Variants in LRRC4C observed in about 807,000 individuals in gnomAD.
LRRC4C encodes leucine rich repeat containing 4C.
LRRC4C carries 5 observed loss-of-function variants against 33.6 expected under a neutral mutation model. That is an observed-to-expected ratio of 0.15 (90% CI 0.08 to 0.31). The LOEUF (loss-of-function observed/expected upper bound fraction) is 0.31, where lower values mean the gene tolerates loss of function less well. Ranked by LOEUF, LRRC4C falls within the 10% of genes least tolerant of loss-of-function variation. The pLI is 1.00. For synonymous variants in LRRC4C, 329 were observed against 302.0 expected, an observed-to-expected ratio of 1.09 and a Z score of -0.93; for missense variants, 560 against 796.7, an observed-to-expected ratio of 0.70 and a Z score of 3.58.
chr11:40,336,325 G>C (rs941880138), intron 3 of LRRC4C, among the ~76,000 whole-genome samples: 1 of 152,168 alleles, frequency 6.6e-6, no homozygotes, highest in Non-Finnish European at 1.5e-5. Context: ...GTGAAAGAAA[G>C]TGATGTGCAC....
intron 1 of LRRC4C, among the ~76,000 whole-genome samples, chr11:41,319,500 C>A (rs991149140): frequency 6.6e-6 from 1 of 152,084 alleles, no homozygotes; most frequent in African/African-American, 2.4e-5. Flanking sequence ...TAAATGCATT[C>A]TACATATCAT....
At chr11:40,186,951 G>A (rs1163409666) in intron 5 of LRRC4C, among the ~76,000 whole-genome samples, 2 of 152,136 alleles carry the variant, frequency 1.3e-5, no homozygotes, top group African/African-American at 4.8e-5. Flanking sequence ...TCGGTGGCTT[G>A]AGAGTGGCAG....
At chr11:41,010,623 T>C (rs1336640463) in intron 1 of LRRC4C, among the ~76,000 whole-genome samples, 1 of 152,168 alleles carries the variant, frequency 6.6e-6, no homozygotes, top group Non-Finnish European at 1.5e-5. Context: ...TACTGCTTTA[T>C]AAGGTCCTAT....
chr11:40,622,387 A>G (rs888159890), intron 3 of LRRC4C, among the ~76,000 whole-genome samples: 1 of 151,864 alleles, frequency 6.6e-6, no homozygotes, highest in African/African-American at 2.4e-5. Context: ...GAATCACAAG[A>G]TCAGACATAA....
intron 2 of LRRC4C, among the ~76,000 whole-genome samples, chr11:40,813,160 A>G (rs1488019139): frequency 6.6e-6 from 1 of 152,206 alleles, no homozygotes; most frequent in African/African-American, 2.4e-5. Context: ...TTTGGAACCC[A>G]TAGCAGAATT....
chr11:40,328,671 C>T (rs903381284), intron 3 of LRRC4C, among the ~76,000 whole-genome samples: 7 of 152,290 alleles, frequency 4.6e-5, no homozygotes, highest in East Asian at 1.9e-4. Context: ...AGTAATCTCA[C>T]AAGTACTTGA....
intron 1 of LRRC4C, among the ~76,000 whole-genome samples, chr11:40,962,847 A>C (rs1277820629): frequency 1.3e-5 from 2 of 151,746 alleles, no homozygotes; most frequent in African/African-American, 4.8e-5. Flanking sequence ...GTAAGATGGA[A>C]GCTGGGAATA....
chr11:40,720,223 G>A (rs913888688), intron 2 of LRRC4C, among the ~76,000 whole-genome samples: 4 of 152,086 alleles, frequency 2.6e-5, no homozygotes, highest in Admixed American at 2.0e-4. Context: ...ACAAAGCTCA[G>A]GCTCTCTTCA....
intron 3 of LRRC4C, among the ~76,000 whole-genome samples, chr11:40,624,383 A>G (rs909099372): frequency 3.9e-5 from 6 of 152,070 alleles, no homozygotes; most frequent in South Asian, 4.1e-4. Flanking sequence ...GAATAAAGTT[A>G]TTTTCTGTAG....
At chr11:40,666,249 A>T (rs1943804160) in intron 2 of LRRC4C, among the ~76,000 whole-genome samples, 1 of 152,186 alleles carries the variant, frequency 6.6e-6, no homozygotes, top group South Asian at 2.1e-4. Flanking sequence ...TCTACAATTT[A>T]TTCAAATAGA....
chr11:40,928,763 A>G lies in LRRC4C; in HGVS notation c.-407+4872T>C, dbSNP rs565034500. On this transcript the variant is annotated intron_variant, in intron 2 of 6. Coordinates refer to ENST00000528697, the MANE Select transcript of LRRC4C (RefSeq NM_001258419.2). ...AAATCTTTGACCTATGAATAAAAAT[A>G]TCATATGTGAATTAAAATTAAAACT... Among the ~76,000 whole-genome samples the G allele has an allele frequency of 3.9e-5, 6 of 152,312 alleles. No homozygotes were observed. The South Asian group carries it at 6.2e-4, about 16-fold the overall frequency.
chr11:40,756,988 G>T (rs1948984037), intron 2 of LRRC4C, among the ~76,000 whole-genome samples: 1 of 151,836 alleles, frequency 6.6e-6, no homozygotes, highest in South Asian at 2.1e-4. Context: ...AAACGTAGTA[G>T]CATCCTTTGC....
At chr11:40,706,397 G>A (rs1946170083) in intron 2 of LRRC4C, among the ~76,000 whole-genome samples, 1 of 152,132 alleles carries the variant, frequency 6.6e-6, no homozygotes, top group African/African-American at 2.4e-5. Flanking sequence ...TAAGTTGCAA[G>A]GAAGGGATCC....
intron 5 of LRRC4C, among the ~76,000 whole-genome samples, chr11:40,147,286 C>T (rs905829544): frequency 1.2e-4 from 18 of 152,230 alleles, no homozygotes; most frequent in African/African-American, 3.4e-4. Context: ...GTACCCTATA[C>T]GACTTTGGGA....
intron 4 of LRRC4C, among the ~76,000 whole-genome samples, chr11:40,282,565 T>C (rs1252035507): frequency 6.6e-6 from 1 of 151,622 alleles, no homozygotes; most frequent in Admixed American, 6.6e-5. Context: ...TTATTAGAGA[T>C]TAATAATATT....
intron 1 of LRRC4C, among the ~76,000 whole-genome samples, chr11:40,966,093 A>C (rs1851339295): frequency 6.6e-6 from 1 of 151,570 alleles, no homozygotes; most frequent in African/African-American, 2.4e-5. Context: ...ACATCCCTTT[A>C]AGGGCAGATT....
intron 3 of LRRC4C, among the ~76,000 whole-genome samples, chr11:40,324,191 G>A (rs1945987371): frequency 1.3e-5 from 2 of 152,210 alleles, no homozygotes; most frequent in African/African-American, 2.4e-5. Context: ...GTCATGATAA[G>A]GAGTTTGGAC....
chr11:40,654,136 C>A (rs1942969656), intron 2 of LRRC4C, among the ~76,000 whole-genome samples: 1 of 152,208 alleles, frequency 6.6e-6, no homozygotes, highest in Admixed American at 6.5e-5. Flanking sequence ...CATAGAGAAC[C>A]ACTGCTAGGG....
intron 1 of LRRC4C, among the ~76,000 whole-genome samples, chr11:41,039,096 T>C (rs1270029797): frequency 2.0e-5 from 3 of 152,148 alleles, no homozygotes; most frequent in Non-Finnish European, 4.4e-5. Flanking sequence ...ATCCTTCTTA[T>C]TTTTTTGTAT....
Sources: gnomAD v4.1 joint callset for allele counts (sites outside exome capture counted in the v4.1 genomes callset) on GRCh38, gnomAD v4.1.1 for gene constraint, MANE v1.5 for transcripts, NCBI Gene and HGNC (gene_info 2026-07-23, HGNC 2026-07-21) for gene names.